The following NEDD4 variants were observed in gnomAD, a reference collection of about 807,000 sequenced individuals.
NEDD4 encodes the protein E3 ubiquitin-protein ligase NEDD4.
In NEDD4, 99 loss-of-function variants were observed where a neutral mutation model predicts 144.9. The ratio of observed to expected loss-of-function variants is 0.68; its 90% CI spans 0.58 to 0.81. NEDD4 has a LOEUF of 0.81. Among genes scored for constraint, NEDD4 ranks in the 30% least tolerant of loss-of-function variants. The pLI is 0.00. For missense variants in NEDD4, 985 were observed against 1,065.9 expected (o/e 0.92, Z 1.06); for synonymous variants, 318 against 350.6 (o/e 0.91, Z 1.04).
chr15:55,886,290 T>A (rs917452260), intron 5 of NEDD4, among the ~76,000 whole-genome samples: 1 of 152,122 alleles, frequency 6.6e-6, no homozygotes, highest in Non-Finnish European at 1.5e-5. Flanking sequence ...TGGACAGATA[T>A]CCGGACAGAA....
At chr15:55,855,988 C>G in intron 12 of NEDD4, 143 bp downstream of exon 12, 1 of 657,112 alleles carries the variant, frequency 1.5e-6, no homozygotes, top group Non-Finnish European at 2.6e-6. Flanking sequence ...TAAGCCCCTT[C>G]CCTGAACATC....
intron 5 of NEDD4, chr15:55,916,000 G>A: frequency 2.5e-6 from 4 of 1,613,802 alleles, no homozygotes; most frequent in Non-Finnish European, 3.4e-6. Context: ...GGAGAAGTCG[G>A]TCGGGTAGTT....
chr15:55,951,293 ATTAAAAATGAGAAT>A, intron 4 of NEDD4, 69 bp downstream of exon 4: 1 of 627,428 alleles, frequency 1.6e-6, no homozygotes, highest in Non-Finnish European at 2.6e-6. Context: ...ATCTTCAAAT[ATTAAAAATGAGAAT>A]TTATCATTCT....
intron 21 of NEDD4, among the ~76,000 whole-genome samples, chr15:55,839,290 A>G (rs1460754846): frequency 6.6e-6 from 1 of 152,056 alleles, no homozygotes; most frequent in Non-Finnish European, 1.5e-5. Flanking sequence ...CAGCTTCCCA[A>G]AGTGCTGGGA....
In NEDD4 at chr15:55,842,099, C is replaced by T. The variant is rs200243140; in HGVS notation, c.1673G>A (p.Arg558Gln). The T allele has an allele frequency of 2.4e-4, 387 of 1,614,126 alleles. No individual in the cohort carries two copies. Among genetic ancestry groups the T allele is most frequent in the East Asian group, 6.5e-4 (29 of 44,868 alleles). Residue 558 changes from arginine (R) to glutamine (Q), a missense_variant, in exon 19 of 29, where the codon CGG becomes CAG. By Grantham distance (43) the Arg-to-Gln change is conservative. Coordinates refer to ENST00000435532, the MANE Select transcript of NEDD4 (RefSeq NM_006154.4). ...RRATVLEDSY[R>Q]RIMGVKRADF... ...TGCTCTCTTGACACCCATAATTCTC[C>T]GGTAAGAGTCTTCAAGAACAGTTGC...
At chr15:55,834,191 A>G in intron 25 of NEDD4, 36 bp downstream of exon 25, 1 of 1,608,188 alleles carries the variant, frequency 6.2e-7, no homozygotes, top group Non-Finnish European at 8.5e-7. Context: ...TAATGGGTTC[A>G]CAATTTCTGT....
intron 1 of NEDD4, among the ~76,000 whole-genome samples, chr15:55,988,558 G>A (rs1228131421): frequency 1.3e-5 from 2 of 149,280 alleles, no homozygotes; most frequent in African/African-American, 2.5e-5. Flanking sequence ...GACATGCCAC[G>A]TAAAAGCAAT....
At chr15:55,891,165 G>A (rs2035559610) in intron 5 of NEDD4, among the ~76,000 whole-genome samples, 1 of 152,262 alleles carries the variant, frequency 6.6e-6, no homozygotes, top group African/African-American at 2.4e-5. Flanking sequence ...TCTTGCAACA[G>A]TGTCTTATTT....
intron 1 of NEDD4, among the ~76,000 whole-genome samples, chr15:55,972,084 G>A (rs1449641149): frequency 6.6e-6 from 1 of 152,086 alleles, no homozygotes; most frequent in Non-Finnish European, 1.5e-5. Flanking sequence ...AAAAGCTGAG[G>A]GATTTAATCA....
At chr15:55,951,226 A>G (rs1169492388) in intron 4 of NEDD4, 150 bp downstream of exon 4, 6 of 428,458 alleles carry the variant, frequency 1.4e-5, no homozygotes, top group Admixed American at 4.5e-5. Context: ...TGTTTTTTAT[A>G]AGACAAAATT....
At chr15:55,910,088 A>G (rs2036223217) in intron 5 of NEDD4, among the ~76,000 whole-genome samples, 1 of 152,152 alleles carries the variant, frequency 6.6e-6, no homozygotes, top group Admixed American at 6.5e-5. Context: ...TTTTTTCTCC[A>G]GGAAAAAGAG....
chr15:55,958,424 T>A (rs1595875682), intron 2 of NEDD4, among the ~76,000 whole-genome samples: 1 of 152,332 alleles, frequency 6.6e-6, no homozygotes, highest in East Asian at 1.9e-4. Flanking sequence ...CATTTTTGCA[T>A]CTATGTTGAC....
chr15:55,849,815 T>C (rs2414446), intron 14 of NEDD4, among the ~76,000 whole-genome samples: 146,173 of 149,548 alleles, frequency 0.98, 71,533 homozygotes, highest in East Asian at 1. Context: ...TTTTTTGAGA[T>C]GGAGTCTCGC....
At chr15:55,924,516 ATT>A in intron 5 of NEDD4, 128 bp downstream of exon 5, 1 of 705,228 alleles carries the variant, frequency 1.4e-6, no homozygotes. Flanking sequence ...CTCCCTCACC[ATT>A]TTGCCCAGAG....
intron 5 of NEDD4, among the ~76,000 whole-genome samples, chr15:55,902,236 C>G (rs945217543): frequency 3.3e-5 from 5 of 151,980 alleles, no homozygotes; most frequent in African/African-American, 1.2e-4. Flanking sequence ...TGCTCCATCC[C>G]AAAGAGATGT....
At chr15:55,865,760 G>A (rs2034565395) in intron 8 of NEDD4, among the ~76,000 whole-genome samples, 1 of 152,056 alleles carries the variant, frequency 6.6e-6, no homozygotes, top group African/African-American at 2.4e-5. Flanking sequence ...GAGGCCTCAG[G>A]GAAAAGAGTT....
chr15:55,839,965 C>A (rs1480475778), intron 21 of NEDD4, among the ~76,000 whole-genome samples: 1 of 68,298 alleles, frequency 1.5e-5, no homozygotes, highest in African/African-American at 6.4e-5. Flanking sequence ...CAGAGTGACA[C>A]TCTGTCTCAA....
At chr15:55,972,330 T>C (rs1390701808) in intron 1 of NEDD4, among the ~76,000 whole-genome samples, 1 of 152,046 alleles carries the variant, frequency 6.6e-6, no homozygotes, top group Non-Finnish European at 1.5e-5. Context: ...TCTAAAGTCA[T>C]AGACAATATA....
chr15:55,971,208 G>C, intron 1 of NEDD4, among the ~76,000 whole-genome samples: 1 of 152,092 alleles, frequency 6.6e-6, no homozygotes, highest in East Asian at 1.9e-4. Context: ...GCAGAAGAAA[G>C]AATTAGCGAG....
Sources: allele counts gnomAD v4.1 joint callset (sites outside exome capture counted in the v4.1 genomes callset), GRCh38; gene constraint gnomAD v4.1.1; transcripts MANE v1.5; gene names NCBI Gene and HGNC (gene_info 2026-07-23, HGNC 2026-07-21).